Variants in ZSCAN5A observed in about 807,000 individuals in gnomAD.
ZSCAN5A encodes zinc finger and SCAN domain containing 5A, also known as zinc finger and SCAN domain-containing protein 5A.
In ZSCAN5A, 12 loss-of-function variants were observed where a neutral mutation model predicts 23.7. That is an observed-to-expected ratio of 0.51 (90% CI 0.32 to 0.82). The LOEUF (loss-of-function observed/expected upper bound fraction) is 0.82, where lower values mean the gene tolerates loss of function less well. ZSCAN5A is among the 40% of genes least tolerant of loss of function. The pLI is 0.03. For missense variants in ZSCAN5A, 597 were observed against 617.9 expected, an observed-to-expected ratio of 0.97 and a Z score of 0.36; for synonymous variants, 257 against 239.9, an observed-to-expected ratio of 1.07 and a Z score of -0.66.
intron 2 of ZSCAN5A, among the ~76,000 whole-genome samples, chr19:56,251,228 T>C (rs1022632013): frequency 1.3e-5 from 2 of 151,962 alleles, no homozygotes; most frequent in Non-Finnish European, 2.9e-5. Flanking sequence ...GGAAGACCCT[T>C]CTGTATTCAG....
intron 2 of ZSCAN5A, among the ~76,000 whole-genome samples, chr19:56,359,621 A>C (rs75892540): frequency 6.6e-6 from 1 of 152,204 alleles, no homozygotes; most frequent in Admixed American, 6.5e-5. Context: ...GAGATATACA[A>C]CAAAAAAATA....
intron 2 of ZSCAN5A, among the ~76,000 whole-genome samples, chr19:56,273,273 C>T (rs1301739880): frequency 6.6e-6 from 1 of 152,164 alleles, no homozygotes; most frequent in Non-Finnish European, 1.5e-5. Flanking sequence ...TTGTGCAGTG[C>T]CTGGAAGTCA....
chr19:56,273,577 G>T (rs1428417422), intron 2 of ZSCAN5A, among the ~76,000 whole-genome samples: 2 of 152,168 alleles, frequency 1.3e-5, no homozygotes, highest in Non-Finnish European at 2.9e-5. Flanking sequence ...ATAGGAGCTG[G>T]CCAGCTGAAG....
intron 2 of ZSCAN5A, among the ~76,000 whole-genome samples, chr19:56,339,198 T>C (rs1042417843): frequency 1.3e-5 from 2 of 152,290 alleles, no homozygotes; most frequent in African/African-American, 4.8e-5. Context: ...TCTTGCAGAT[T>C]GAAAGCCACT....
rs369603731 is a variant in ZSCAN5A, at chr19:56,328,911, C to T, written c.-357-12643G>A. 8.1e-5 allele frequency among the ~76,000 whole-genome samples: 12 copies of T among 147,596 alleles called. No homozygotes were observed. In the East Asian group the frequency reaches 2.0e-3, roughly 25 times the overall value. On this transcript the variant is annotated intron_variant, in intron 2 of 6. Coordinates refer to the ZSCAN5A transcript ENST00000587340. The stretch of plus-strand genomic sequence containing the variant: ...TGGGGAGGCTGAGGCAGGAGAATGG[C>T]GTGAACCCAGGAGGCGGAGCTTGCA...
intron 2 of ZSCAN5A, among the ~76,000 whole-genome samples, chr19:56,227,605 A>G (rs566969655): frequency 1.6e-4 from 24 of 152,356 alleles, no homozygotes; most frequent in Admixed American, 3.3e-4. Context: ...ATAAAGGCAG[A>G]CACAGGAGTT....
intron 2 of ZSCAN5A, among the ~76,000 whole-genome samples, chr19:56,273,526 C>T (rs190015255): frequency 2.4e-3 from 360 of 152,172 alleles, no homozygotes; most frequent in Admixed American, 4.9e-3. Flanking sequence ...TGTGGGGATT[C>T]GGAGATGGCC....
At chr19:56,235,179 GT>G (rs1268948824) in intron 2 of ZSCAN5A, among the ~76,000 whole-genome samples, 5 of 56,004 alleles carry the variant, frequency 8.9e-5, no homozygotes, top group Non-Finnish European at 7.4e-5. Flanking sequence ...CGTGGGCCAA[GT>G]CTCCACTCCA....
At chr19:56,227,957 C>T (rs2034108745) in intron 2 of ZSCAN5A, among the ~76,000 whole-genome samples, 1 of 152,006 alleles carries the variant, frequency 6.6e-6, no homozygotes, top group East Asian at 1.9e-4. Flanking sequence ...ACTCGGGAGG[C>T]GGAGGCGGGC....
intron 2 of ZSCAN5A, among the ~76,000 whole-genome samples, chr19:56,267,021 G>C (rs2037527081): frequency 6.9e-6 from 1 of 145,314 alleles, no homozygotes; most frequent in South Asian, 2.3e-4. Context: ...GCTTTTTTCT[G>C]CCTCGGGGTC....
chr19:56,315,240 G>T (rs768131363), upstream of ZSCAN5A: 2 of 152,230 alleles, frequency 1.3e-5, no homozygotes, highest in Non-Finnish European at 2.9e-5. Flanking sequence ...AGGCCACATG[G>T]CCTTCTTTAA....
intron 2 of ZSCAN5A, among the ~76,000 whole-genome samples, chr19:56,303,196 C>T (rs2040460625): frequency 6.6e-6 from 1 of 152,082 alleles, no homozygotes. Context: ...AACTACAAGC[C>T]AGGCCGGGCA....
At chr19:56,245,272 C>G (rs572803606) in intron 2 of ZSCAN5A, 18 of 706,152 alleles carry the variant, frequency 2.5e-5, no homozygotes, top group African/African-American at 1.8e-4. Context: ...AATCAGATGT[C>G]GAGATGGCTG....
intron 2 of ZSCAN5A, among the ~76,000 whole-genome samples, chr19:56,361,251 T>C (rs1427542029): frequency 6.6e-6 from 1 of 152,164 alleles, no homozygotes; most frequent in African/African-American, 2.4e-5. Context: ...TTTTACACTG[T>C]TTGTGGGAAT....
chr19:56,231,528 C>T (rs1307254591), intron 2 of ZSCAN5A, among the ~76,000 whole-genome samples: 1 of 152,218 alleles, frequency 6.6e-6, no homozygotes, highest in Non-Finnish European at 1.5e-5. Flanking sequence ...AGACCTACCA[C>T]ATCTTTCCCC....
At chr19:56,362,288 C>T (rs911628780) in intron 2 of ZSCAN5A, among the ~76,000 whole-genome samples, 3 of 151,842 alleles carry the variant, frequency 2.0e-5, no homozygotes, top group South Asian at 2.1e-4. Context: ...AACATTATGC[C>T]GGGCACTATG....
intron 2 of ZSCAN5A, chr19:56,228,476 A>G (rs757869135): frequency 1.2e-5 from 12 of 974,794 alleles, no homozygotes; most frequent in East Asian, 1.1e-4. Context: ...TGTACTAAAC[A>G]TGCCTACTGT....
intron 2 of ZSCAN5A, chr19:56,283,826 T>G (rs1197844626): frequency 2.0e-5 from 3 of 152,174 alleles, no homozygotes; most frequent in Non-Finnish European, 4.4e-5. Flanking sequence ...GTGGGGTAAA[T>G]AGAAGGACAG....
chr19:56,236,856 C>T (rs1203228443), intron 2 of ZSCAN5A, among the ~76,000 whole-genome samples: 1 of 150,400 alleles, frequency 6.6e-6, no homozygotes, highest in Non-Finnish European at 1.5e-5. Context: ...GACCGTGGGC[C>T]AAGCCTCCAC....
Sources: gnomAD v4.1 joint callset for allele counts (sites outside exome capture counted in the v4.1 genomes callset) on GRCh38, gnomAD v4.1.1 for gene constraint, MANE v1.5 for transcripts, NCBI Gene and HGNC (gene_info 2026-07-23, HGNC 2026-07-21) for gene names.